The following ATRNL1 variants were observed in gnomAD, a reference collection of about 807,000 sequenced individuals.
The protein encoded by ATRNL1 is attractin-like protein 1.
In ATRNL1, 95 loss-of-function variants were observed where a neutral mutation model predicts 182.7. The ratio of observed to expected loss-of-function variants is 0.52; its 90% CI spans 0.44 to 0.62. ATRNL1 has a LOEUF of 0.62. Ranked by LOEUF, ATRNL1 falls within the 20% of genes least tolerant of loss-of-function variation. The pLI is 0.00. For synonymous variants in ATRNL1, 576 were observed against 568.3 expected, an observed-to-expected ratio of 1.01 and a Z score of -0.19; for missense variants, 1,471 against 1,679.5, an observed-to-expected ratio of 0.88 and a Z score of 2.17.
At chr10:115,624,604 T>C (rs1302341014) in intron 26 of ATRNL1, among the ~76,000 whole-genome samples, 2 of 152,128 alleles carry the variant, frequency 1.3e-5, no homozygotes, top group African/African-American at 2.4e-5. Context: ...CAACTCTGCG[T>C]TCAGTGTCAT....
intron 25 of ATRNL1, among the ~76,000 whole-genome samples, chr10:115,539,371 A>G (rs1852223239): frequency 1.3e-5 from 2 of 152,336 alleles, no homozygotes; most frequent in South Asian, 4.1e-4. Context: ...CTTTTTCTCT[A>G]AGTGAACTCA....
chr10:115,166,970 A>T (rs1293879961), intron 7 of ATRNL1, among the ~76,000 whole-genome samples: 1 of 151,866 alleles, frequency 6.6e-6, no homozygotes, highest in East Asian at 1.9e-4. Flanking sequence ...GCAAGAAATC[A>T]TTGCTAGATC....
intron 26 of ATRNL1, among the ~76,000 whole-genome samples, chr10:115,588,376 A>T (rs1047562344): frequency 1.3e-5 from 2 of 152,210 alleles, no homozygotes; most frequent in Non-Finnish European, 2.9e-5. Flanking sequence ...AGGTCAGAGC[A>T]TTGTTCTCCT....
chr10:115,416,622 A>G (rs1383719874), intron 20 of ATRNL1, among the ~76,000 whole-genome samples: 1 of 152,162 alleles, frequency 6.6e-6, no homozygotes, highest in Non-Finnish European at 1.5e-5. Flanking sequence ...TGGGATGCCA[A>G]AGTTACTTCC....
chr10:115,800,938 G>C (rs1286051240), intron 27 of ATRNL1, among the ~76,000 whole-genome samples: 1 of 152,220 alleles, frequency 6.6e-6, no homozygotes, highest in Admixed American at 6.5e-5. Flanking sequence ...AGTCAGAGCA[G>C]GTGAAAACTG....
intron 19 of ATRNL1, among the ~76,000 whole-genome samples, chr10:115,351,466 C>T (rs555552422): frequency 7.8e-4 from 119 of 151,728 alleles, no homozygotes; most frequent in African/African-American, 2.8e-3. Context: ...CATTAAGGGA[C>T]GTTGAATTTC....
chr10:115,296,651 G>A (rs1056161102), intron 15 of ATRNL1, among the ~76,000 whole-genome samples: 2 of 151,624 alleles, frequency 1.3e-5, no homozygotes, highest in Non-Finnish European at 2.9e-5. Flanking sequence ...ATTTTGAAGT[G>A]GATATTGCAA....
chr10:115,623,660 T>C (rs1857915600), intron 26 of ATRNL1, among the ~76,000 whole-genome samples: 1 of 152,034 alleles, frequency 6.6e-6, no homozygotes, highest in Admixed American at 6.6e-5. Flanking sequence ...AAAAATTAAA[T>C]AGTGGGGGTA....
intron 15 of ATRNL1, among the ~76,000 whole-genome samples, chr10:115,289,899 C>G (rs1554920285): frequency 6.6e-6 from 1 of 152,032 alleles, no homozygotes; most frequent in Non-Finnish European, 1.5e-5. Context: ...TTTAGGATTG[C>G]TTTTCCTATT....
At chr10:115,531,075 C>T (rs1207833799) in intron 25 of ATRNL1, among the ~76,000 whole-genome samples, 3 of 151,936 alleles carry the variant, frequency 2.0e-5, no homozygotes, top group Non-Finnish European at 4.4e-5. Flanking sequence ...GTGAATAGTG[C>T]CGCAATAAAC....
At chr10:115,377,557 C>T (rs1447392234) in intron 19 of ATRNL1, among the ~76,000 whole-genome samples, 1 of 152,128 alleles carries the variant, frequency 6.6e-6, no homozygotes, top group Non-Finnish European at 1.5e-5. Flanking sequence ...TTGTATTTCT[C>T]CACTTTTGGG....
chr10:115,551,029 G>C (rs1327538614), intron 26 of ATRNL1, among the ~76,000 whole-genome samples: 1 of 151,764 alleles, frequency 6.6e-6, no homozygotes, highest in Non-Finnish European at 1.5e-5. Flanking sequence ...TTAACTGGCA[G>C]CTGAATGTAA....
At chr10:115,615,456 C>A (rs994316801) in intron 26 of ATRNL1, among the ~76,000 whole-genome samples, 3 of 151,410 alleles carry the variant, frequency 2.0e-5, no homozygotes, top group Admixed American at 1.3e-4. Flanking sequence ...TCATTCTTTT[C>A]TGGAGTGTAC....
chr10:115,241,805 A>G (rs1381354013), intron 10 of ATRNL1, 80 bp downstream of exon 10: 1 of 1,221,834 alleles, frequency 8.2e-7, no homozygotes, highest in Non-Finnish European at 1.2e-6. Flanking sequence ...ATTAATTGAT[A>G]GCATGTGTAT....
chr10:115,497,481 T>G (rs1554978703), intron 24 of ATRNL1, among the ~76,000 whole-genome samples: 1 of 152,114 alleles, frequency 6.6e-6, no homozygotes, highest in East Asian at 1.9e-4. Context: ...TCTGTCTCAC[T>G]CTTTTCTGTT....
At chr10:115,224,941 T>C (rs2144481564) in intron 9 of ATRNL1, among the ~76,000 whole-genome samples, 1 of 152,192 alleles carries the variant, frequency 6.6e-6, no homozygotes, top group East Asian at 1.9e-4. Context: ...TTCCCAAATA[T>C]TTAAGAAATA....
At chr10:115,712,877 AAAG>A (rs1174037380) in intron 26 of ATRNL1, among the ~76,000 whole-genome samples, 1 of 152,056 alleles carries the variant, frequency 6.6e-6, no homozygotes, top group Non-Finnish European at 1.5e-5. Flanking sequence ...CAAAAAAAAA[AAAG>A]AAAAAAAAAT....
chr10:115,228,422 G>A (rs2144502539), intron 9 of ATRNL1, among the ~76,000 whole-genome samples: 1 of 152,142 alleles, frequency 6.6e-6, no homozygotes, highest in Middle Eastern at 3.4e-3. Flanking sequence ...TGAATATTGG[G>A]GTCATTGTGA....
intron 24 of ATRNL1, among the ~76,000 whole-genome samples, chr10:115,498,849 G>A (rs1185504686): frequency 1.3e-5 from 2 of 151,924 alleles, no homozygotes; most frequent in African/African-American, 2.4e-5. Flanking sequence ...TAGACTGTTG[G>A]AAATACTTGC....
Sources: allele counts gnomAD v4.1 joint callset (sites outside exome capture counted in the v4.1 genomes callset), GRCh38; gene constraint gnomAD v4.1.1; transcripts MANE v1.5; gene names NCBI Gene and HGNC (gene_info 2026-07-23, HGNC 2026-07-21).